Variants in SAP30BP observed in about 807,000 individuals in gnomAD.
SAP30BP encodes SAP30 binding protein, also known as SAP30-binding protein.
Under a neutral mutation model 46.3 loss-of-function variants are expected in SAP30BP, and 31 were observed. The ratio of observed to expected loss-of-function variants is 0.67; its 90% CI spans 0.50 to 0.90. SAP30BP has a LOEUF of 0.90. Ranked by LOEUF, SAP30BP falls within the 40% of genes least tolerant of loss-of-function variation. The pLI, the probability that SAP30BP is intolerant of heterozygous loss-of-function variation, is 0.00. For missense variants in SAP30BP, 312 were observed against 391.0 expected (o/e 0.80, Z 1.70); for synonymous variants, 169 against 144.2 (o/e 1.17, Z -1.23).
chr17:75,673,479 G>C (rs528824316), intron 3 of SAP30BP, among the ~76,000 whole-genome samples: 2 of 152,108 alleles, frequency 1.3e-5, no homozygotes, highest in Non-Finnish European at 2.9e-5. Context: ...AGCCCAGGGA[G>C]CCGTTAAGTG....
chr17:75,701,985 GT>G (rs143337702), intron 5 of SAP30BP, among the ~76,000 whole-genome samples: 115 of 152,294 alleles, frequency 7.6e-4, no homozygotes, highest in African/African-American at 2.6e-3. Flanking sequence ...CTTGTGTGCA[GT>G]TCTGGGCAAA....
At chr17:75,694,623 C>G (rs2060287898) in intron 4 of SAP30BP, among the ~76,000 whole-genome samples, 1 of 5,756 alleles carries the variant, frequency 1.7e-4, no homozygotes, top group East Asian at 0.071. Flanking sequence ...AGCCGATGGC[C>G]GGCCCAAGGG....
chr17:75,674,402 C>G (rs951806757), intron 3 of SAP30BP, among the ~76,000 whole-genome samples: 1 of 152,184 alleles, frequency 6.6e-6, no homozygotes, highest in East Asian at 1.9e-4. Context: ...TCAAGCGATT[C>G]TCCTGTCTCA....
At chr17:75,678,534 TC>T (rs2060026826) in intron 3 of SAP30BP, among the ~76,000 whole-genome samples, 1 of 151,610 alleles carries the variant, frequency 6.6e-6, no homozygotes, top group African/African-American at 2.4e-5. Context: ...GAACCACAGA[TC>T]CAGAGGGCCG....
chr17:75,683,275 G>A (rs919615589), intron 3 of SAP30BP, among the ~76,000 whole-genome samples: 7 of 151,578 alleles, frequency 4.6e-5, no homozygotes, highest in Admixed American at 1.3e-4. Context: ...TCGGACTCCT[G>A]ACCTCAAATG....
At chr17:75,688,150 T>G (rs1599135138) in intron 3 of SAP30BP, among the ~76,000 whole-genome samples, 1 of 151,966 alleles carries the variant, frequency 6.6e-6, no homozygotes, top group Non-Finnish European at 1.5e-5. Flanking sequence ...GGGGAGAAGG[T>G]GATTTCAGGG....
chr17:75,681,141 ATATGTG>A (rs1404341525), intron 3 of SAP30BP, among the ~76,000 whole-genome samples: 1 of 152,214 alleles, frequency 6.6e-6, no homozygotes, highest in East Asian at 1.9e-4. Context: ...TAAAAAAATA[ATATGTG>A]TAAGTGTGTG....
At chr17:75,682,911 T>C (rs2060102835) in intron 3 of SAP30BP, among the ~76,000 whole-genome samples, 1 of 135,296 alleles carries the variant, frequency 7.4e-6, no homozygotes, top group Non-Finnish European at 1.5e-5. Context: ...TGCGGTGAGC[T>C]GAGATCACGC....
chr17:75,691,366 T>C (rs1235993364), intron 3 of SAP30BP: 1 of 450,584 alleles, frequency 2.2e-6, no homozygotes, highest in Non-Finnish European at 4.4e-6. Flanking sequence ...CTTCCTGTGA[T>C]TTTGCCCCAT....
chr17:75,671,887 G>A (rs1236913438), intron 3 of SAP30BP, 24 bp downstream of exon 3: 2 of 1,603,042 alleles, frequency 1.2e-6, no homozygotes, highest in Admixed American at 1.7e-5. Flanking sequence ...GCTGTGGTGG[G>A]TGGCTGGATG....
intron 6 of SAP30BP, 114 bp from the exon 7 acceptor site, chr17:75,703,197 T>G (rs2148420871): frequency 9.4e-6 from 9 of 959,244 alleles, no homozygotes; most frequent in Non-Finnish European, 1.3e-5. Context: ...TTAGAGCAGC[T>G]GAGCTGGATT....
chr17:75,705,544 G>T lies in SAP30BP; in HGVS notation c.661-464G>T, dbSNP rs898605894. On this transcript the variant is annotated intron_variant, in intron 9 of 10. Transcript: ENST00000584667. ...GAGCTGGTGCAAGGGGATAGTTGGG[G>T]TTTCTCATTCTTAACCCTTGATTGA... 3 of 879,660 alleles carry T rather than the reference G, an allele frequency of 3.4e-6. No individual in the cohort carries two copies. In the African/African-American group the frequency reaches 5.4e-5, roughly 16 times the overall value. 54.5% of individuals were successfully genotyped at this position (879,660 alleles called of 1,614,324 possible). A position where few individuals can be genotyped will look rare whatever the true frequency, so the allele number is the denominator to read the frequency against.
At chr17:75,701,137 C>T (rs1456630318) in intron 5 of SAP30BP, among the ~76,000 whole-genome samples, 2 of 152,214 alleles carry the variant, frequency 1.3e-5, no homozygotes, top group Admixed American at 1.3e-4. Flanking sequence ...TGGCCTCTAA[C>T]AAGGGGAGTG....
intron 3 of SAP30BP, among the ~76,000 whole-genome samples, chr17:75,689,022 G>C (rs1008921143): frequency 6.6e-6 from 1 of 152,162 alleles, no homozygotes; most frequent in Non-Finnish European, 1.5e-5. Flanking sequence ...TGGATGAGGG[G>C]TGCAGGCAGA....
chr17:75,685,049 A>G (rs2060136496), intron 3 of SAP30BP, among the ~76,000 whole-genome samples: 1 of 152,156 alleles, frequency 6.6e-6, no homozygotes, highest in Non-Finnish European at 1.5e-5. Context: ...AGTTGATCCA[A>G]GTAACCTGAA....
At chr17:75,698,416 C>T (rs989974812) in intron 4 of SAP30BP, among the ~76,000 whole-genome samples, 2 of 152,276 alleles carry the variant, frequency 1.3e-5, no homozygotes, top group Non-Finnish European at 1.5e-5. Context: ...TCTGTTTCTC[C>T]TGTAGCCTAG....
intron 3 of SAP30BP, chr17:75,679,713 G>T (rs764669398): frequency 4.6e-5 from 7 of 152,298 alleles, no homozygotes; most frequent in Non-Finnish European, 1.0e-4. Flanking sequence ...TTTGTTTCCT[G>T]TGTTCCATTA....
At chr17:75,694,067 C>G (rs1358234487) in intron 4 of SAP30BP, among the ~76,000 whole-genome samples, 1 of 152,094 alleles carries the variant, frequency 6.6e-6, no homozygotes, top group Non-Finnish European at 1.5e-5. Flanking sequence ...TCCCAAAGCC[C>G]GACCGGGGGG....
intron 1 of SAP30BP, chr17:75,668,066 T>C (rs2059829977): frequency 6.2e-6 from 1 of 160,782 alleles, no homozygotes; most frequent in African/African-American, 2.4e-5. Flanking sequence ...AGCACAATGT[T>C]AGATAATGGA....
Sources: allele counts gnomAD v4.1 joint callset (sites outside exome capture counted in the v4.1 genomes callset), GRCh38; gene constraint gnomAD v4.1.1; transcripts MANE v1.5; gene names NCBI Gene and HGNC (gene_info 2026-07-23, HGNC 2026-07-21).